The following RBM28 variants were observed in gnomAD, a reference collection of about 807,000 sequenced individuals.
RBM28 encodes RNA-binding protein 28.
A neutral mutation model predicts 98.3 loss-of-function variants in RBM28; 78 were observed. The observed-to-expected ratio is 0.79, with a 90% CI of 0.66 to 0.96. The LOEUF (loss-of-function observed/expected upper bound fraction) is 0.96, where lower values mean the gene tolerates loss of function less well. Ranked by LOEUF, RBM28 falls within the 40% of genes least tolerant of loss-of-function variation. The probability of loss-of-function intolerance (pLI) is 0.00; values close to 1 mark genes in which losing one functional copy is unlikely to be tolerated. For synonymous variants in RBM28, 306 were observed against 330.9 expected (o/e 0.92, Z 0.82); for missense variants, 838 against 913.0 (o/e 0.92, Z 1.06).
At chr7:128,313,428 A>G (rs1796031561) in intron 17 of RBM28, among the ~76,000 whole-genome samples, 154 bp from the exon 18 acceptor site, 1 of 152,172 alleles carries the variant, frequency 6.6e-6, no homozygotes, top group South Asian at 2.1e-4. Context: ...CAACATTTGT[A>G]TACTTAGGAC....
At position 128,339,270 on chromosome 7, in the gene RBM28, G is replaced by A. The variant is rs1242471030; in HGVS notation, c.329C>T (p.Ala110Val). 1 of 1,613,644 alleles carries A rather than the reference G, an allele frequency of 6.2e-7. No homozygotes were observed. The highest frequency in any genetic ancestry group is 1.3e-5 in the African/African-American group (1 of 75,000). Reference protein sequence around the residue: ...KEPKAKKAKVADKKARLIIRN... With the variant: ...KEPKAKKAKVVDKKARLIIRN... ...AATAATTAATCTGGCTTTCTTATCT[G>A]CCACTTTGGCTTTTTTAGCCTTCGG... The change falls in exon 3 of 19, where the codon GCA (alanine) becomes GTA (valine). Residue 110 changes from alanine (A) to valine (V), a missense_variant. Physicochemically the swap from Ala to Val is moderately conservative, Grantham distance 64 (BLOSUM62 0). Transcript: ENST00000223073.
chr7:128,321,699 T>G (rs1796239326), intron 13 of RBM28, among the ~76,000 whole-genome samples: 1 of 152,130 alleles, frequency 6.6e-6, no homozygotes, highest in South Asian at 2.1e-4. Context: ...CAATTTTTCA[T>G]CTATAAAACG....
chr7:128,326,526 T>C (rs2116355953), intron 10 of RBM28, among the ~76,000 whole-genome samples: 1 of 152,274 alleles, frequency 6.6e-6, no homozygotes, highest in Admixed American at 6.5e-5. Context: ...CCTACAACAT[T>C]CAGTATAACA....
chr7:128,339,102 G>C, intron 3 of RBM28, 125 bp downstream of exon 3: 1 of 924,578 alleles, frequency 1.1e-6, no homozygotes, highest in Non-Finnish European at 1.8e-6. Context: ...TTCAACAGGG[G>C]TAAGGTTGAT....
intron 6 of RBM28, among the ~76,000 whole-genome samples, chr7:128,336,682 A>G (rs988696739): frequency 1.3e-5 from 2 of 152,206 alleles, no homozygotes; most frequent in African/African-American, 4.8e-5. Context: ...AGGAATTCAG[A>G]GTTTTCCCTG....
At chr7:128,313,821 C>T (rs185514728) in intron 17 of RBM28, among the ~76,000 whole-genome samples, 1 of 152,298 alleles carries the variant, frequency 6.6e-6, no homozygotes, top group East Asian at 1.9e-4. Flanking sequence ...AACACTCCCC[C>T]CTGCTCCTGG....
At chr7:128,316,643 G>A (rs1338574198) in intron 16 of RBM28, among the ~76,000 whole-genome samples, 2 of 152,220 alleles carry the variant, frequency 1.3e-5, no homozygotes, top group Non-Finnish European at 2.9e-5. Flanking sequence ...AACCCAGAAG[G>A]TGGAGGTTGC....
intron 10 of RBM28, among the ~76,000 whole-genome samples, chr7:128,327,987 G>A (rs1476468037): frequency 6.6e-6 from 1 of 152,176 alleles, no homozygotes; most frequent in Non-Finnish European, 1.5e-5. Flanking sequence ...GAATGGCACA[G>A]ACTAACTGAA....
chr7:128,310,646 A>G lies in RBM28; in HGVS notation c.*151T>C. The G allele has an allele frequency of 2.1e-6, 2 of 944,366 alleles. No individual in the cohort carries two copies. Among genetic ancestry groups the G allele is most frequent in the Admixed American group, 2.0e-5 (1 of 49,826 alleles). The allele number at this position is 944,366 out of a possible 1,614,324, so 58.5% of individuals were successfully genotyped here. ...CACATCAAAGGATGGACCAAAGTTC[A>G]GATGTACACAGTCCAGGGCACCTCC... On this transcript the variant is annotated 3_prime_UTR_variant, in exon 19 of 19. Transcript: ENST00000223073.
intron 17 of RBM28, 54 bp downstream of exon 17, chr7:128,314,710 A>T: frequency 6.2e-7 from 1 of 1,613,370 alleles, no homozygotes; most frequent in Middle Eastern, 1.7e-4. Context: ...CAGCAAAAAC[A>T]AACCCGCTTA....
chr7:128,340,635 C>G (rs1279763910), intron 1 of RBM28, among the ~76,000 whole-genome samples: 1 of 152,138 alleles, frequency 6.6e-6, no homozygotes, highest in Non-Finnish European at 1.5e-5. Flanking sequence ...GCAGTTACTC[C>G]TCAAAATAGA....
At chr7:128,330,996 A>G in intron 9 of RBM28, 68 bp from the exon 10 acceptor site, 1 of 1,053,498 alleles carries the variant, frequency 9.5e-7, no homozygotes, top group Non-Finnish European at 1.5e-6. Context: ...GTTCCAGGAC[A>G]ATGTAAGTGA....
intron 13 of RBM28, among the ~76,000 whole-genome samples, chr7:128,322,709 T>C (rs898084297): frequency 2.6e-5 from 4 of 152,174 alleles, no homozygotes; most frequent in East Asian, 1.9e-4. Context: ...CCTTATAAAA[T>C]TGAGGCTTTA....
At chr7:128,310,959 T>C in intron 18 of RBM28, 28 bp from the exon 19 acceptor site, 1 of 1,601,590 alleles carries the variant, frequency 6.2e-7, no homozygotes, top group Non-Finnish European at 8.6e-7. Flanking sequence ...AGAAACATAA[T>C]ATAATCAATT....
rs370569585 is a variant in RBM28, at chr7:128,319,664, G to C, written c.1564-1558C>G. 3.9e-5 allele frequency among the ~76,000 whole-genome samples: 6 copies of C among 152,304 alleles called. No individual in the cohort carries two copies. The East Asian group carries it at 9.6e-4, about 24-fold the overall frequency. Reference sequence around the variant, plus strand: ...TTGACTAAGAGATGACTATGTACCAGGTACTACACCAAGGATTGGGGATAA... The same window carrying C: ...TTGACTAAGAGATGACTATGTACCACGTACTACACCAAGGATTGGGGATAA... On this transcript the variant is annotated intron_variant, in intron 14 of 18. Coordinates refer to ENST00000223073, the MANE Select transcript of RBM28 (RefSeq NM_018077.3).
Position 128,309,331 on chromosome 7 carries a change from TAGAA to T in RBM28, c.*1462_*1465del, listed in dbSNP as rs1422662503. On this transcript the variant is annotated 3_prime_UTR_variant, in exon 19 of 19. Coordinates refer to ENST00000223073, the MANE Select transcript of RBM28 (RefSeq NM_018077.3). ...AATGATTTCAGATAGAGATTAGTGC[TAGAA>T]AGAAACAGGGAAGCAGGCCAGGCGT... The T allele has an allele frequency of 1.3e-5, 2 of 151,852 alleles. No individual in the cohort carries two copies. The highest frequency in any genetic ancestry group is 2.9e-5 in the Non-Finnish European group (2 of 67,984). The allele number at this position is 151,852 out of a possible 1,614,324, so 9.4% of individuals were successfully genotyped here. A position where few individuals can be genotyped will look rare whatever the true frequency, so the allele number is the denominator to read the frequency against.
rs1796304547 is a variant in RBM28, at chr7:128,324,578, G to C, written c.1320C>G (p.Leu440=). The change falls in exon 12 of 19, where the codon CTC becomes CTG. Residue 440 remains leucine (L), a synonymous_variant. Coordinates refer to ENST00000223073, the MANE Select transcript of RBM28 (RefSeq NM_018077.3). ...ACTCACAGCCTTCTCGGGCCAGATAGAGATTCCGGGTGCCAGTCGGCTTCT... is the reference window on the plus strand; with the variant it reads ...ACTCACAGCCTTCTCGGGCCAGATACAGATTCCGGGTGCCAGTCGGCTTCT... The part of the protein sequence containing the change: ...KVKKPTGTRN[L]YLAREGLIRA... The C allele has an allele frequency of 6.2e-7, 1 of 1,614,256 alleles. No homozygotes were observed. The highest frequency in any genetic ancestry group is 8.5e-7 in the Non-Finnish European group (1 of 1,180,048).
Position 128,336,050 on chromosome 7 carries a change from G to A in RBM28, c.614-8C>T, listed in dbSNP as rs777300419. 1.9e-6 allele frequency: 3 copies of A among 1,604,024 alleles called. No individual in the cohort carries two copies. The South Asian group carries it at 3.3e-5, about 18-fold the overall frequency. The stretch of plus-strand genomic sequence containing the variant: ...CATGGCTCTTTTCCTCACCTATGGA[G>A]GGAGGTAAAGAAAGGAGGAATTCAT... On this transcript the variant is annotated splice_polypyrimidine_tract_variant and splice_region_variant and intron_variant, in intron 6 of 18. Coordinates refer to ENST00000223073, the MANE Select transcript of RBM28 (RefSeq NM_018077.3).
chr7:128,314,125 G>C (rs1796052696), intron 17 of RBM28, among the ~76,000 whole-genome samples: 2 of 152,070 alleles, frequency 1.3e-5, no homozygotes, highest in Admixed American at 1.3e-4. Flanking sequence ...ACCGCACCCA[G>C]CTAATTTTTT....
Sources: gnomAD v4.1 joint callset for allele counts (sites outside exome capture counted in the v4.1 genomes callset) on GRCh38, gnomAD v4.1.1 for gene constraint, MANE v1.5 for transcripts, NCBI Gene and HGNC (gene_info 2026-07-23, HGNC 2026-07-21) for gene names.